Variants in ULK4 observed in about 807,000 individuals in gnomAD.
ULK4 encodes the protein inactive serine/threonine-protein kinase ULK4.
Under a neutral mutation model 160.6 loss-of-function variants are expected in ULK4, and 133 were observed. The observed-to-expected ratio is 0.83, with a 90% CI of 0.72 to 0.96. The LOEUF is 0.96. Among genes scored for constraint, ULK4 ranks in the 40% least tolerant of loss-of-function variants. The pLI, the probability that ULK4 is intolerant of heterozygous loss-of-function variation, is 0.00. For missense variants in ULK4, 1,580 were observed against 1,499.5 expected (o/e 1.05, Z -0.89); for synonymous variants, 534 against 539.8 (o/e 0.99, Z 0.15).
chr3:41,881,329 T>TG (rs1046991629), intron 17 of ULK4, among the ~76,000 whole-genome samples: 6 of 146,010 alleles, frequency 4.1e-5, no homozygotes, highest in Admixed American at 2.7e-4. Flanking sequence ...AGATGAAACA[T>TG]GGTACCATGT....
chr3:41,626,638 C>T (rs1468897109), intron 30 of ULK4, among the ~76,000 whole-genome samples: 1 of 151,704 alleles, frequency 6.6e-6, no homozygotes, highest in Non-Finnish European at 1.5e-5. Context: ...CATTCTCCTG[C>T]CTCAGCCACC....
intron 32 of ULK4, among the ~76,000 whole-genome samples, chr3:41,548,117 G>A (rs2086928346): frequency 6.6e-6 from 1 of 152,112 alleles, no homozygotes; most frequent in Non-Finnish European, 1.5e-5. Flanking sequence ...TGCCACCTGA[G>A]CACACCATAC....
At chr3:41,313,872 T>A (rs569845073) in intron 35 of ULK4, among the ~76,000 whole-genome samples, 1 of 152,292 alleles carries the variant, frequency 6.6e-6, no homozygotes, top group South Asian at 2.1e-4. Context: ...TCAAGTGACT[T>A]CTGAAGCTAG....
intron 32 of ULK4, among the ~76,000 whole-genome samples, chr3:41,533,172 T>C (rs2086380921): frequency 6.6e-6 from 1 of 151,408 alleles, no homozygotes; most frequent in Non-Finnish European, 1.5e-5. Flanking sequence ...GCCCAGATCA[T>C]GCTGCCAAAG....
In ULK4 at chr3:41,919,782, C is replaced by T. The variant is rs776094301; in HGVS notation, c.578G>A (p.Gly193Asp). Residue 193 changes from glycine (G) to aspartate (D), a missense_variant, in exon 6 of 37, where the codon GGT (glycine) becomes GAT (aspartate). Transcript: ENST00000301831. ...PVYTAPEVVRGADFSISSDLW... is the reference protein window; with the variant it reads ...PVYTAPEVVRDADFSISSDLW... ...GTCACTGGAGATGGAAAAGTCAGCACCCCTCACAACTTCTGGTGCTGTATA... is the reference window on the plus strand; with the variant it reads ...GTCACTGGAGATGGAAAAGTCAGCATCCCTCACAACTTCTGGTGCTGTATA... 100 of 1,613,940 alleles carry T rather than the reference C, an allele frequency of 6.2e-5. No individual in the cohort carries two copies. Among genetic ancestry groups the T allele is most frequent in the Admixed American group, 3.7e-4 (22 of 59,980 alleles).
chr3:41,854,918 G>C (rs1347458598), intron 17 of ULK4: 1 of 132,780 alleles, frequency 7.5e-6, no homozygotes, highest in Non-Finnish European at 1.5e-5. Context: ...TCTCACATCT[G>C]TTCAGTGGGC....
Position 41,954,769 on chromosome 3 carries a change from G to C in ULK4, c.-10C>G. Reference sequence around the variant, plus strand: ...GAATAAAGTTTTCCATCTCTGGGCCGACTTCTCACATACAATAGAATAACA... The same window carrying C: ...GAATAAAGTTTTCCATCTCTGGGCCCACTTCTCACATACAATAGAATAACA... On this transcript the variant is annotated 5_prime_UTR_variant, in exon 2 of 37. Transcript: ENST00000301831. 6.2e-7 allele frequency: 1 copy of C among 1,606,428 alleles called. No individual in the cohort carries two copies. The highest frequency in any genetic ancestry group is 8.5e-7 in the Non-Finnish European group (1 of 1,176,990).
intron 32 of ULK4, among the ~76,000 whole-genome samples, chr3:41,479,847 T>C (rs2084259583): frequency 6.6e-6 from 1 of 152,196 alleles, no homozygotes; most frequent in Non-Finnish European, 1.5e-5. Flanking sequence ...CAAATTCCTA[T>C]TTTTCATTTT....
chr3:41,409,416 T>C (rs1048578045), intron 34 of ULK4, among the ~76,000 whole-genome samples: 4 of 152,198 alleles, frequency 2.6e-5, no homozygotes, highest in Non-Finnish European at 4.4e-5. Flanking sequence ...ACTGATTTGC[T>C]ATAAAGGATA....
At chr3:41,747,832 C>T (rs532958164) in intron 22 of ULK4, among the ~76,000 whole-genome samples, 6 of 151,958 alleles carry the variant, frequency 3.9e-5, no homozygotes, top group African/African-American at 1.5e-4. Context: ...CCAAACCTGT[C>T]GACACCTTGA....
rs1559505206 is a variant in ULK4, at chr3:41,717,583, A to G, written c.2455+145T>C. ...ACAAAAACAGATAAAGCAAATTTAA[A>G]TCTTGAAACTACATATTCGTTAAAA... On this transcript the variant is annotated intron_variant, in intron 23 of 36. Coordinates refer to ENST00000301831, the MANE Select transcript of ULK4 (RefSeq NM_017886.4). 5 of 1,025,444 alleles carry G rather than the reference A, an allele frequency of 4.9e-6. No homozygotes were observed. The East Asian group carries it at 7.8e-5, about 16-fold the overall frequency. The allele number at this position is 1,025,444 out of a possible 1,614,324, so 63.5% of individuals were successfully genotyped here. A position where few individuals can be genotyped will look rare whatever the true frequency, so the allele number is the denominator to read the frequency against.
chr3:41,442,487 A>AGG (rs1013147896), intron 34 of ULK4, among the ~76,000 whole-genome samples: 2 of 152,206 alleles, frequency 1.3e-5, no homozygotes, highest in African/African-American at 4.8e-5. Flanking sequence ...ATGGTATTAA[A>AGG]GGACCACAAA....
chr3:41,734,914 G>A (rs1295511412), intron 22 of ULK4, among the ~76,000 whole-genome samples: 1 of 152,166 alleles, frequency 6.6e-6, no homozygotes. Context: ...TGAGTAGGCA[G>A]AACCTCGGCA....
chr3:41,542,731 T>C (rs1464495389), intron 32 of ULK4, among the ~76,000 whole-genome samples: 1 of 152,184 alleles, frequency 6.6e-6, no homozygotes, highest in Non-Finnish European at 1.5e-5. Context: ...ATTTGACTTC[T>C]TCCTGGTTTC....
chr3:41,561,026 GA>G (rs962833007), intron 32 of ULK4, among the ~76,000 whole-genome samples: 2 of 152,282 alleles, frequency 1.3e-5, no homozygotes, highest in African/African-American at 4.8e-5. Context: ...TTCTTATTTT[GA>G]GATACGTTCC....
chr3:41,567,198 T>C (rs1250526132), intron 31 of ULK4, among the ~76,000 whole-genome samples: 1 of 152,152 alleles, frequency 6.6e-6, no homozygotes, highest in African/African-American at 2.4e-5. Context: ...AGCTATTTTG[T>C]GCCAGGCACT....
intron 20 of ULK4, among the ~76,000 whole-genome samples, chr3:41,796,027 C>T (rs936486516): frequency 6.6e-6 from 1 of 152,124 alleles, no homozygotes; most frequent in African/African-American, 2.4e-5. Flanking sequence ...AATGCTCCTT[C>T]CTAACCTTCC....
chr3:41,687,986 A>G lies in ULK4; in HGVS notation c.2782-6182T>C, dbSNP rs146635940. On this transcript the variant is annotated intron_variant, in intron 27 of 36. Coordinates refer to ENST00000301831, the MANE Select transcript of ULK4 (RefSeq NM_017886.4). ...AAGTTGAAGGGAGGTGGACGCAAAC[A>G]TGATTCTTTCTGCCTACAACACCCA... 1.8e-3 allele frequency: 277 copies of G among 152,358 alleles called. 2 individuals carry two copies. The highest frequency in any genetic ancestry group is 7.9e-3 in the South Asian group (38 of 4,830). 9.4% of individuals were successfully genotyped at this position (152,358 alleles called of 1,614,324 possible).
chr3:41,566,363 C>T (rs575993196), intron 31 of ULK4, among the ~76,000 whole-genome samples: 2 of 152,264 alleles, frequency 1.3e-5, no homozygotes, highest in South Asian at 4.1e-4. Flanking sequence ...CACAGACTTC[C>T]CTGCCCATGA....
Sources: gnomAD v4.1 joint callset for allele counts (sites outside exome capture counted in the v4.1 genomes callset) on GRCh38, gnomAD v4.1.1 for gene constraint, MANE v1.5 for transcripts, NCBI Gene and HGNC (gene_info 2026-07-23, HGNC 2026-07-21) for gene names.